Variants in DDX42 observed in about 807,000 individuals in gnomAD.
DDX42 encodes the protein DEAD-box helicase 42.
Under a neutral mutation model 101.5 loss-of-function variants are expected in DDX42, and 22 were observed. The ratio of observed to expected loss-of-function variants is 0.22; its 90% CI spans 0.15 to 0.31. The LOEUF (loss-of-function observed/expected upper bound fraction) is 0.31. Among genes scored for constraint, DDX42 ranks in the 10% least tolerant of loss-of-function variants. The pLI, the probability that DDX42 is intolerant of heterozygous loss-of-function variation, is 1.00. For synonymous variants in DDX42, 402 were observed against 401.2 expected (o/e 1.00, Z -0.02); for missense variants, 849 against 1,199.9 (o/e 0.71, Z 4.32).
intron 2 of DDX42, 110 bp from the exon 3 acceptor site, chr17:63,792,302 C>T (rs2039637756): frequency 2.5e-6 from 3 of 1,209,624 alleles, no homozygotes; most frequent in South Asian, 3.2e-5. Context: ...ATTTGATCTG[C>T]ATTACATCTC....
At position 63,812,107 on chromosome 17, in the gene DDX42, T is replaced by C; in HGVS notation, c.1574T>C (p.Leu525Pro). The change falls in exon 14 of 18, where the codon CTT becomes CCT. Residue 525 changes from leucine (L) to proline (P), a missense_variant. Around this residue, in one of 5 missense-constraint regions of DDX42, gnomAD observed 370 missense variants for 608.8 expected, o/e 0.61. Transcript: ENST00000389924. ...ANNLKQEGHN[L>P]GLLHGDMDQS... The stretch of plus-strand genomic sequence containing the variant: ...AACCTTAAACAGGAGGGTCATAATC[T>C]TGGGCTGCTCCATGGGGATATGGAT... The C allele has an allele frequency of 3.1e-6, 5 of 1,614,222 alleles. No homozygotes were observed. Among genetic ancestry groups the C allele is most frequent in the Non-Finnish European group, 4.2e-6 (5 of 1,180,046 alleles).
Position 63,806,643 on chromosome 17 carries a change from A to G in DDX42, c.835A>G (p.Ile279Val), listed in dbSNP as rs1438481122. Residue 279 changes from isoleucine (I) to valine (V), a missense_variant, in exon 8 of 18, where the codon ATA becomes GTA. Around this residue, in one of 5 missense-constraint regions of DDX42, gnomAD observed 370 missense variants for 608.8 expected, o/e 0.61. Transcript: ENST00000389924. ...ATCTGAATACACACAGCCCACTCCA[A>G]TACAGTGCCAGGTAAGTAAAACATA... The part of the protein sequence containing the change: ...RKSEYTQPTP[I>V]QCQGVPVALS... 13 of 1,609,458 alleles carry G rather than the reference A, an allele frequency of 8.1e-6. No homozygotes were observed. Among genetic ancestry groups the G allele is most frequent in the Admixed American group, 1.7e-5 (1 of 59,008 alleles).
intron 2 of DDX42, among the ~76,000 whole-genome samples, chr17:63,788,574 A>C (rs2584635): frequency 6.6e-6 from 1 of 151,378 alleles, no homozygotes; most frequent in East Asian, 1.9e-4. Context: ...CCAAACTGCT[A>C]GGATTATACA....
intron 3 of DDX42, among the ~76,000 whole-genome samples, chr17:63,793,448 T>G (rs73331994): frequency 0.017 from 2,559 of 152,188 alleles, 70 homozygotes; most frequent in African/African-American, 0.058. Flanking sequence ...TTAAAGTTTT[T>G]ATAGAGGTGA....
chr17:63,814,764 A>C (rs58399973), intron 15 of DDX42, among the ~76,000 whole-genome samples: 2,481 of 137,034 alleles, frequency 0.018, 68 homozygotes, highest in African/African-American at 0.064. Context: ...GTCTCAGCTC[A>C]CTGCAACCTC....
intron 4 of DDX42, 190 bp from the exon 5 acceptor site, chr17:63,799,399 C>A (rs2039733987): frequency 8.7e-6 from 4 of 460,556 alleles, no homozygotes; most frequent in Admixed American, 8.0e-5. Flanking sequence ...ATGCAAACTG[C>A]AGATTATAGA....
chr17:63,800,215 G>A, intron 5 of DDX42: 1 of 387,684 alleles, frequency 2.6e-6, no homozygotes, highest in Non-Finnish European at 4.6e-6. Flanking sequence ...GGAAGGCTGT[G>A]GAACAGACAG....
intron 1 of DDX42, 58 bp from the exon 2 acceptor site, chr17:63,786,976 C>T: frequency 1.3e-6 from 2 of 1,585,554 alleles, no homozygotes; most frequent in Non-Finnish European, 1.7e-6. Flanking sequence ...GCGCCCGGCC[C>T]TTGGGGCTAT....
intron 9 of DDX42, among the ~76,000 whole-genome samples, chr17:63,808,458 G>A (rs2039869346): frequency 6.6e-6 from 1 of 152,160 alleles, no homozygotes; most frequent in Non-Finnish European, 1.5e-5. Flanking sequence ...ACAGGTGTGA[G>A]CCACTGTGCC....
At chr17:63,793,354 A>G (rs1211948212) in intron 3 of DDX42, among the ~76,000 whole-genome samples, 1 of 151,752 alleles carries the variant, frequency 6.6e-6, no homozygotes, top group Non-Finnish European at 1.5e-5. Context: ...TGCAGCCTCA[A>G]ACTCCTGGGC....
chr17:63,780,511 A>G (rs1041325045), intron 1 of DDX42, among the ~76,000 whole-genome samples: 3 of 152,322 alleles, frequency 2.0e-5, no homozygotes, highest in South Asian at 2.1e-4. Flanking sequence ...TTTGAGTACT[A>G]TGCAGACACC....
At chr17:63,780,606 C>T (rs868200767) in intron 1 of DDX42, among the ~76,000 whole-genome samples, 1 of 152,112 alleles carries the variant, frequency 6.6e-6, no homozygotes. Context: ...AAGCACAGTT[C>T]CTTGGCCTTC....
At chr17:63,805,685 G>A (rs1437026849) in intron 7 of DDX42, 3 of 153,266 alleles carry the variant, frequency 2.0e-5, no homozygotes, top group African/African-American at 7.2e-5. Flanking sequence ...GGTGCTGATA[G>A]ATGGTAAATG....
intron 6 of DDX42, among the ~76,000 whole-genome samples, chr17:63,801,741 C>T (rs1162771334): frequency 6.6e-6 from 1 of 152,130 alleles, no homozygotes; most frequent in Non-Finnish European, 1.5e-5. Context: ...AGATGTGAGC[C>T]ACTGCATCCG....
intron 17 of DDX42, chr17:63,817,223 T>C: frequency 2.3e-6 from 1 of 434,296 alleles, no homozygotes; most frequent in Non-Finnish European, 4.1e-6. Context: ...GGGTGTGTGT[T>C]CCCTCCCTTC....
At chr17:63,815,499 C>T (rs927791187) in intron 15 of DDX42, 64 bp from the exon 16 acceptor site, 3 of 1,264,220 alleles carry the variant, frequency 2.4e-6, no homozygotes, top group Middle Eastern at 2.1e-4. Context: ...CCTCTTTGTC[C>T]TCGTTCTCTT....
rs566698639 is a variant in DDX42 at position 63,778,211 on chromosome 17, C to G, written c.-17+3835C>G. 5.9e-5 allele frequency among the ~76,000 whole-genome samples: 9 copies of G among 152,310 alleles called. No individual in the cohort carries two copies. In the South Asian group the frequency reaches 1.5e-3, roughly 25 times the overall value. ...TTTTCTCTTTTCACTGTGTGTCTCA[C>G]TATTACTTCATCATTTTATGCTTTA... is the stretch of plus-strand genomic sequence containing the variant. On this transcript the variant is annotated intron_variant, in intron 1 of 17. Transcript: ENST00000389924.
In DDX42 at chr17:63,779,572, TTTC is replaced by T. The variant is rs576389240; in HGVS notation, c.-17+5202_-17+5204del. 5.3e-3 allele frequency among the ~76,000 whole-genome samples: 811 copies of T among 152,076 alleles called. 5 individuals carry two copies. The highest frequency in any genetic ancestry group is 0.018 in the African/African-American group (741 of 41,488). On this transcript the variant is annotated intron_variant, in intron 1 of 17. Coordinates refer to ENST00000389924, the MANE Select transcript of DDX42 (RefSeq NM_203499.3). ...AGCCACTGTGCCCACCTCATTTTGTTTTCTTCTTTTGGTACTATCACCACAATC... is the reference window on the plus strand; with the variant it reads ...AGCCACTGTGCCCACCTCATTTTGTTTTCTTTTGGTACTATCACCACAATC...
chr17:63,817,155 C>A, intron 17 of DDX42, 189 bp downstream of exon 17: 1 of 553,662 alleles, frequency 1.8e-6, no homozygotes, highest in South Asian at 2.2e-5. Flanking sequence ...TCTAGAGAAC[C>A]CCTTGTGCTG....
Sources: allele counts gnomAD v4.1 joint callset (sites outside exome capture counted in the v4.1 genomes callset), GRCh38; gene constraint gnomAD v4.1.1; regional missense constraint gnomAD v4.1.1; transcripts MANE v1.5; gene names NCBI Gene and HGNC (gene_info 2026-07-23, HGNC 2026-07-21).